Variants in SNTB1 observed in about 807,000 individuals in gnomAD.
SNTB1 encodes the protein syntrophin beta 1.
A neutral mutation model predicts 48.9 loss-of-function variants in SNTB1; 36 were observed. That is an observed-to-expected ratio of 0.74 (90% CI 0.56 to 0.97). The LOEUF is 0.97. Among genes scored for constraint, SNTB1 ranks in the 50% least tolerant of loss-of-function variants. The pLI is 0.00. For synonymous variants in SNTB1, 299 were observed against 294.6 expected (o/e 1.01, Z -0.15); for missense variants, 786 against 703.4 (o/e 1.12, Z -1.33).
At chr8:120,692,300 T>C (rs1818141984) in intron 2 of SNTB1, among the ~76,000 whole-genome samples, 1 of 152,070 alleles carries the variant, frequency 6.6e-6, no homozygotes, top group African/African-American at 2.4e-5. Flanking sequence ...TCCCGATGGC[T>C]TTTCCCCATG....
At chr8:120,728,758 G>T (rs995261228) in intron 1 of SNTB1, among the ~76,000 whole-genome samples, 1 of 152,190 alleles carries the variant, frequency 6.6e-6, no homozygotes. Flanking sequence ...CACCTAGGTT[G>T]ATTCCATGTC....
At chr8:120,597,587 G>T (rs1046167151) in intron 3 of SNTB1, among the ~76,000 whole-genome samples, 9 of 152,200 alleles carry the variant, frequency 5.9e-5, no homozygotes, top group Admixed American at 2.0e-4. Flanking sequence ...CCACAAAGAA[G>T]GATCCTAATG....
intron 1 of SNTB1, among the ~76,000 whole-genome samples, chr8:120,695,357 G>A (rs1456868116): frequency 1.3e-5 from 2 of 152,200 alleles, no homozygotes; most frequent in East Asian, 1.9e-4. Context: ...TGACTACAGT[G>A]TATGCTGTTG....
intron 4 of SNTB1, among the ~76,000 whole-genome samples, chr8:120,564,630 G>A (rs1192891000): frequency 1.5e-5 from 2 of 131,904 alleles, no homozygotes; most frequent in South Asian, 2.5e-4. Context: ...GTGCAATGGC[G>A]TGATATCGGC....
Position 120,550,542 on chromosome 8 carries a change from T to TAAA in SNTB1, c.1137-1587_1137-1585dup, listed in dbSNP as rs11445916. Among the ~76,000 whole-genome samples, 275 of 126,648 alleles carry TAAA rather than the reference T, an allele frequency of 2.2e-3. 3 individuals are homozygous for TAAA. The highest frequency in any genetic ancestry group is 6.4e-3 in the African/African-American group (219 of 34,152). The allele number at this position is 126,648 out of a possible 152,430, so 83.1% of individuals were successfully genotyped here. A position where few individuals can be genotyped will look rare whatever the true frequency, so the allele number is the denominator to read the frequency against. ...GGGCAACAGTGCGAGACTCTGTCTTTAAAAAAAAAAAAAAAAAAAAGAGAG... is the reference window on the plus strand; with the variant it reads ...GGGCAACAGTGCGAGACTCTGTCTTTAAAAAAAAAAAAAAAAAAAAAAAGAGAG... On this transcript the variant is annotated intron_variant, in intron 4 of 6. Transcript: ENST00000517992.
At chr8:120,542,731 C>A (rs185869265) in intron 5 of SNTB1, among the ~76,000 whole-genome samples, 11 of 151,726 alleles carry the variant, frequency 7.2e-5, no homozygotes, top group Admixed American at 3.3e-4. Flanking sequence ...CACACACACG[C>A]ACACACACAC....
intron 2 of SNTB1, among the ~76,000 whole-genome samples, chr8:120,651,939 A>G (rs1447503581): frequency 5.9e-5 from 9 of 152,234 alleles, no homozygotes; most frequent in Admixed American, 3.9e-4. Flanking sequence ...TGTGGAAACT[A>G]TAACTATCCC....
At chr8:120,650,175 G>C (rs1359321982) in intron 2 of SNTB1, among the ~76,000 whole-genome samples, 1 of 152,164 alleles carries the variant, frequency 6.6e-6, no homozygotes, top group Non-Finnish European at 1.5e-5. Flanking sequence ...TTCCTATTCG[G>C]CCATCTTGGC....
chr8:120,720,273 T>C (rs1587113445), intron 1 of SNTB1, among the ~76,000 whole-genome samples: 1 of 152,356 alleles, frequency 6.6e-6, no homozygotes, highest in African/African-American at 2.4e-5. Flanking sequence ...TTGGCCCCTG[T>C]CTGAAGGCCC....
At chr8:120,543,774 C>A (rs1815331853) in intron 5 of SNTB1, among the ~76,000 whole-genome samples, 1 of 152,132 alleles carries the variant, frequency 6.6e-6, no homozygotes, top group South Asian at 2.1e-4. Flanking sequence ...GCCCCTTCTC[C>A]AGACTGACTT....
intron 4 of SNTB1, 33 bp downstream of exon 4, chr8:120,575,053 A>G: frequency 6.2e-7 from 1 of 1,613,938 alleles, no homozygotes; most frequent in East Asian, 2.2e-5. Context: ...TCCACCTGCA[A>G]ACACATCATA....
rs781002458 is a variant in SNTB1, at chr8:120,811,638, C to T, written c.206G>A (p.Cys69Tyr). ...GIGTATNGSF[C>Y]RGAGAGHPGA... is the part of the protein sequence containing the mutation. ...CGGGTGCCCAGCCCCGGCGCCCCTG[C>T]AGAACGAGCCATTGGTGGCGGTCCC... Residue 69 changes from cysteine to tyrosine, a missense_variant, in exon 1 of 7, where the codon TGC becomes TAC. Transcript: ENST00000517992. The T allele has an allele frequency of 6.9e-6, 11 of 1,594,110 alleles. No homozygotes were observed. The highest frequency in any genetic ancestry group is 8.5e-6 in the Non-Finnish European group (10 of 1,173,886).
At chr8:120,797,395 T>C (rs1191208209) in intron 1 of SNTB1, among the ~76,000 whole-genome samples, 1 of 152,002 alleles carries the variant, frequency 6.6e-6, no homozygotes, top group Non-Finnish European at 1.5e-5. Flanking sequence ...GGACAGCACA[T>C]ATGACTTTGT....
intron 2 of SNTB1, among the ~76,000 whole-genome samples, chr8:120,691,980 A>T (rs1009578123): frequency 3.3e-5 from 5 of 152,188 alleles, no homozygotes; most frequent in African/African-American, 1.2e-4. Context: ...CAGGCCCAGG[A>T]ACTCTGCAGA....
chr8:120,583,365 G>T (rs909467824), intron 3 of SNTB1, among the ~76,000 whole-genome samples: 2 of 151,948 alleles, frequency 1.3e-5, no homozygotes, highest in Non-Finnish European at 2.9e-5. Context: ...AATTAGCCAG[G>T]CGTGGTGGTG....
chr8:120,536,347 T>C lies in SNTB1; in HGVS notation c.*2530A>G, dbSNP rs1347772880. ...TCATGGGATTGAGCACAGAGCAAAT[T>C]GGACAAAAACAAATTCCTCAAAGTG... is the stretch of plus-strand genomic sequence containing the variant. On this transcript the variant is annotated 3_prime_UTR_variant, in exon 7 of 7. Coordinates refer to ENST00000517992, the MANE Select transcript of SNTB1 (RefSeq NM_021021.4). 6.6e-6 allele frequency: 1 copy of C among 152,218 alleles called. No individual in the cohort carries two copies. The highest frequency in any genetic ancestry group is 1.5e-5 in the Non-Finnish European group (1 of 68,034). 9.4% of individuals were successfully genotyped at this position (152,218 alleles called of 1,614,324 possible). A position where few individuals can be genotyped will look rare whatever the true frequency, so the allele number is the denominator to read the frequency against.
intron 3 of SNTB1, among the ~76,000 whole-genome samples, chr8:120,593,338 C>T (rs535522848): frequency 6.6e-6 from 1 of 152,302 alleles, no homozygotes; most frequent in East Asian, 1.9e-4. Flanking sequence ...ATGCTCACAC[C>T]ACATTTCTTC....
rs1404573465 is a variant in SNTB1 at position 120,632,543 on chromosome 8, G to T, written c.897C>A (p.Asp299Glu). Reference sequence around the variant, plus strand: ...CCTCAGCAATCACTCGGGTCAGCAGGTCATTAACGTTGGAATGGATGGCAC... The same window carrying T: ...CCTCAGCAATCACTCGGGTCAGCAGTTCATTAACGTTGGAATGGATGGCAC... ...WFSAIHSNVN[D>E]LLTRVIAEVR... The change falls in exon 3 of 7, where the codon GAC (aspartate) becomes GAA (glutamate). Residue 299 changes from aspartate to glutamate, a missense_variant. Asp to Glu is a conservative substitution (Grantham distance 45, BLOSUM62 2). Coordinates refer to ENST00000517992, the MANE Select transcript of SNTB1 (RefSeq NM_021021.4). 1.9e-6 allele frequency: 3 copies of T among 1,614,156 alleles called. No homozygotes were observed. The South Asian group carries it at 3.3e-5, about 18-fold the overall frequency.
intron 3 of SNTB1, among the ~76,000 whole-genome samples, chr8:120,604,550 T>C (rs551884156): frequency 7.9e-5 from 12 of 151,576 alleles, no homozygotes; most frequent in Non-Finnish European, 1.6e-4. Flanking sequence ...GCCTCCCGGG[T>C]TCAGGCAATT....
Sources: gnomAD v4.1 joint callset for allele counts (sites outside exome capture counted in the v4.1 genomes callset) on GRCh38, gnomAD v4.1.1 for gene constraint, MANE v1.5 for transcripts, NCBI Gene and HGNC (gene_info 2026-07-23, HGNC 2026-07-21) for gene names.